SLC35F4: variants seen among roughly 807,000 people sequenced by gnomAD.
SLC35F4 encodes the protein chromosome 14 open reading frame 36.
SLC35F4 carries 24 observed loss-of-function variants against 44.2 expected under a neutral mutation model. The observed-to-expected ratio is 0.54, with a 90% CI of 0.39 to 0.76. The LOEUF (loss-of-function observed/expected upper bound fraction) is 0.76. Ranked by LOEUF, SLC35F4 falls within the 30% of genes least tolerant of loss-of-function variation. The pLI, the probability that SLC35F4 is intolerant of heterozygous loss-of-function variation, is 0.00. For missense variants in SLC35F4, 562 were observed against 586.1 expected (o/e 0.96, Z 0.42); for synonymous variants, 238 against 223.6 (o/e 1.06, Z -0.57).
intron 1 of SLC35F4, among the ~76,000 whole-genome samples, chr14:57,789,265 G>A (rs1566855570): frequency 2.0e-5 from 3 of 151,950 alleles, no homozygotes; most frequent in Non-Finnish European, 4.4e-5. Context: ...TAATAAAGAA[G>A]AAAAGAGAGG....
intron 1 of SLC35F4, among the ~76,000 whole-genome samples, chr14:57,742,595 G>A (rs1469533031): frequency 6.6e-6 from 1 of 152,110 alleles, no homozygotes; most frequent in Admixed American, 6.6e-5. Context: ...GACGTACAAA[G>A]AGACTAAGAC....
chr14:57,622,368 C>T (rs1259285056), intron 1 of SLC35F4, among the ~76,000 whole-genome samples: 6 of 145,114 alleles, frequency 4.1e-5, no homozygotes, highest in South Asian at 4.5e-4. Context: ...CACATGCACA[C>T]GTATGTTTAT....
At chr14:57,862,128 G>A (rs1887733867) in intron 1 of SLC35F4, among the ~76,000 whole-genome samples, 1 of 151,826 alleles carries the variant, frequency 6.6e-6, no homozygotes, top group African/African-American at 2.4e-5. Context: ...TTCAGCTGAT[G>A]GCAACTCAAA....
intron 1 of SLC35F4, among the ~76,000 whole-genome samples, chr14:57,825,243 A>C (rs1883606512): frequency 6.6e-6 from 1 of 152,164 alleles, no homozygotes; most frequent in Non-Finnish European, 1.5e-5. Flanking sequence ...CATTCAAACA[A>C]AAAAGTGTTT....
intron 1 of SLC35F4, among the ~76,000 whole-genome samples, chr14:57,928,283 G>C (rs916801798): frequency 9.8e-5 from 15 of 152,306 alleles, no homozygotes; most frequent in African/African-American, 3.4e-4. Context: ...ACAACGTGGA[G>C]AGCCTGTACT....
chr14:57,569,600 T>C (rs1265671614), intron 6 of SLC35F4, among the ~76,000 whole-genome samples, 188 bp downstream of exon 6: 1 of 152,070 alleles, frequency 6.6e-6, no homozygotes, highest in African/African-American at 2.4e-5. Context: ...GCATACTAGT[T>C]GGATAGCTTG....
chr14:57,586,260 A>G (rs1016961414), intron 3 of SLC35F4, among the ~76,000 whole-genome samples: 5 of 152,212 alleles, frequency 3.3e-5, no homozygotes, highest in African/African-American at 4.8e-5. Context: ...GGTGTTGGGA[A>G]AATTGGCTAG....
chr14:57,793,411 T>G (rs1354241639), intron 1 of SLC35F4, among the ~76,000 whole-genome samples: 1 of 152,076 alleles, frequency 6.6e-6, no homozygotes, highest in Admixed American at 6.6e-5. Flanking sequence ...TTCTACCTTC[T>G]GAGCCTCCAA....
chr14:57,644,340 G>A (rs189350352), intron 1 of SLC35F4, among the ~76,000 whole-genome samples: 203 of 152,230 alleles, frequency 1.3e-3, no homozygotes, highest in Non-Finnish European at 6.9e-4. Context: ...TCTCACTGTG[G>A]TTTTGATTTG....
intron 1 of SLC35F4, among the ~76,000 whole-genome samples, chr14:57,887,553 G>A (rs1488436175): frequency 6.6e-6 from 1 of 152,156 alleles, no homozygotes; most frequent in African/African-American, 2.4e-5. Context: ...TTTGAGTGAC[G>A]AACGTGACCT....
rs183443201 is a variant in SLC35F4 at position 57,732,335 on chromosome 14, A to G, written c.103+133388T>C. 2.7e-3 allele frequency among the ~76,000 whole-genome samples: 407 copies of G among 152,288 alleles called. 4 individuals carry two copies. Among genetic ancestry groups the G allele is most frequent in the African/African-American group, 9.0e-3 (375 of 41,554 alleles). ...TTGAATAAACCCTTTGAAAGACTGA[A>G]ATTACAAACTAAAGTATAAAAACAA... On this transcript the variant is annotated intron_variant, in intron 1 of 7. Transcript: ENST00000556826.
chr14:57,712,812 A>G (rs2075846222), intron 1 of SLC35F4, among the ~76,000 whole-genome samples: 1 of 152,212 alleles, frequency 6.6e-6, no homozygotes, highest in African/African-American at 2.4e-5. Context: ...AAAAGAAGTT[A>G]TTTATAATCC....
At chr14:57,710,115 G>A (rs1457267327) in intron 1 of SLC35F4, among the ~76,000 whole-genome samples, 1 of 152,212 alleles carries the variant, frequency 6.6e-6, no homozygotes, top group Admixed American at 6.5e-5. Context: ...ATGGTTTCCT[G>A]GGCTGGGACT....
At position 57,838,476 on chromosome 14, in the gene SLC35F4, A is replaced by T. The variant is rs75351064; in HGVS notation, c.103+27247T>A. On this transcript the variant is annotated intron_variant, in intron 1 of 7. Coordinates refer to ENST00000556826, the MANE Select transcript of SLC35F4 (RefSeq NM_001306087.2). Reference sequence around the variant, plus strand: ...AGGAGTCAAAAAAATATATACAGTCAAATCATTTTTTCCCAAATCAACACA... The same window carrying T: ...AGGAGTCAAAAAAATATATACAGTCTAATCATTTTTTCCCAAATCAACACA... Among the ~76,000 whole-genome samples the T allele has an allele frequency of 2.0e-3, 306 of 152,332 alleles. 1 individual carries two copies. The Middle Eastern group carries it at 0.041, about 20-fold the overall frequency.
intron 1 of SLC35F4, among the ~76,000 whole-genome samples, chr14:57,903,391 T>C (rs892522302): frequency 6.6e-6 from 1 of 152,208 alleles, no homozygotes; most frequent in African/African-American, 2.4e-5. Flanking sequence ...TGATCAGATT[T>C]TGGCTAAACT....
At chr14:57,821,378 T>G (rs1883162050) in intron 1 of SLC35F4, among the ~76,000 whole-genome samples, 1 of 152,260 alleles carries the variant, frequency 6.6e-6, no homozygotes, top group African/African-American at 2.4e-5. Context: ...GAAATTCATT[T>G]TGGTGTAGAA....
At chr14:57,795,636 A>T (rs1000284860) in intron 1 of SLC35F4, among the ~76,000 whole-genome samples, 1 of 152,218 alleles carries the variant, frequency 6.6e-6, no homozygotes, top group African/African-American at 2.4e-5. Flanking sequence ...AAGCCAGTAG[A>T]TGGCAAAAAC....
intron 1 of SLC35F4, among the ~76,000 whole-genome samples, chr14:57,768,028 G>C (rs12892587): frequency 0.11 from 17,399 of 152,110 alleles, 1,268 homozygotes; most frequent in South Asian, 0.19. Flanking sequence ...TCTTGGAAAA[G>C]AAAGTTTTAG....
chr14:57,665,706 T>C (rs1383452790), intron 1 of SLC35F4, among the ~76,000 whole-genome samples: 1 of 152,172 alleles, frequency 6.6e-6, no homozygotes, highest in Non-Finnish European at 1.5e-5. Context: ...ACATTCACAA[T>C]AGCAAAGACC....
Sources: allele counts gnomAD v4.1 joint callset (sites outside exome capture counted in the v4.1 genomes callset), GRCh38; gene constraint gnomAD v4.1.1; transcripts MANE v1.5; gene names NCBI Gene and HGNC (gene_info 2026-07-23, HGNC 2026-07-21).